The following PIWIL2 variants were observed in gnomAD, a reference collection of about 807,000 sequenced individuals.
PIWIL2 encodes the protein piwi like RNA-mediated gene silencing 2.
A neutral mutation model predicts 116.5 loss-of-function variants in PIWIL2; 81 were observed. That is an observed-to-expected ratio of 0.70 (90% CI 0.58 to 0.84). PIWIL2 has a LOEUF of 0.84. Ranked by LOEUF, PIWIL2 falls within the 40% of genes least tolerant of loss-of-function variation. The pLI is 0.00. For missense variants in PIWIL2, 1,272 were observed against 1,212.3 expected (o/e 1.05, Z -0.73); for synonymous variants, 489 against 429.5 (o/e 1.14, Z -1.71).
At chr8:22,327,311 C>T (rs1290713119) in intron 20 of PIWIL2, among the ~76,000 whole-genome samples, 2 of 148,802 alleles carry the variant, frequency 1.3e-5, no homozygotes, top group Non-Finnish European at 3.0e-5. Context: ...TGAGGCACCA[C>T]GCCTGGCCTT....
intron 10 of PIWIL2, among the ~76,000 whole-genome samples, chr8:22,295,050 G>C (rs989088855): frequency 3.9e-5 from 6 of 151,984 alleles, no homozygotes; most frequent in African/African-American, 1.2e-4. Context: ...GTGTACTCTA[G>C]CCTGGGCAAC....
At chr8:22,309,267 A>G (rs1305327069) in intron 14 of PIWIL2, among the ~76,000 whole-genome samples, 7 of 151,842 alleles carry the variant, frequency 4.6e-5, no homozygotes, top group Non-Finnish European at 1.0e-4. Flanking sequence ...GCCCCCTTGG[A>G]TATTAAGTCC....
At chr8:22,340,259 G>A (rs1832078342) in intron 20 of PIWIL2, among the ~76,000 whole-genome samples, 1 of 151,912 alleles carries the variant, frequency 6.6e-6, no homozygotes, top group Non-Finnish European at 1.5e-5. Context: ...GTTTCTCCGT[G>A]ATGGTCAGGC....
At chr8:22,351,086 G>T (rs899040953) in intron 20 of PIWIL2, among the ~76,000 whole-genome samples, 12 of 151,922 alleles carry the variant, frequency 7.9e-5, no homozygotes, top group African/African-American at 2.4e-4. Flanking sequence ...GGGTGGCAGA[G>T]ATTTCAGTAA....
chr8:22,297,748 C>G (rs1415443202), intron 10 of PIWIL2, among the ~76,000 whole-genome samples: 1 of 152,032 alleles, frequency 6.6e-6, no homozygotes, highest in Non-Finnish European at 1.5e-5. Context: ...CTGATAGGAA[C>G]CATTTGGAGT....
intron 20 of PIWIL2, among the ~76,000 whole-genome samples, chr8:22,340,403 T>G (rs983061465): frequency 3.9e-5 from 6 of 152,156 alleles, no homozygotes; most frequent in Admixed American, 2.6e-4. Context: ...AAATAAAGCT[T>G]CTCCAGATTT....
intron 20 of PIWIL2, among the ~76,000 whole-genome samples, chr8:22,320,995 C>T (rs1586576992): frequency 6.6e-6 from 1 of 152,278 alleles, no homozygotes; most frequent in African/African-American, 2.4e-5. Flanking sequence ...TGGTGATTTA[C>T]GTTGAATTTC....
At chr8:22,277,934 C>A (rs775202531) in intron 1 of PIWIL2, among the ~76,000 whole-genome samples, 1 of 150,298 alleles carries the variant, frequency 6.7e-6, no homozygotes, top group African/African-American at 2.4e-5. Flanking sequence ...TTTGGGAGGC[C>A]CAGGTGGGCT....
intron 1 of PIWIL2, 72 bp from the exon 2 acceptor site, chr8:22,279,268 TA>T (rs1369848811): frequency 1.3e-6 from 1 of 782,920 alleles, no homozygotes; most frequent in East Asian, 2.6e-5. Flanking sequence ...AATACTATTT[TA>T]ATGCTTTGTG....
chr8:22,310,070 T>C lies in PIWIL2; in HGVS notation c.1796T>C (p.Leu599Ser). The C allele has an allele frequency of 6.6e-7, 1 of 1,515,380 alleles. No individual in the cohort carries two copies. The highest frequency in any genetic ancestry group is 9.2e-7 in the Non-Finnish European group (1 of 1,090,486). The allele number at this position is 1,515,380 out of a possible 1,614,324, so 93.9% of individuals were successfully genotyped here. The change falls in exon 15 of 23, where the codon TTG becomes TCG. Residue 599 changes from leucine (L) to serine (S), a missense_variant. Physicochemically the swap from Leu to Ser is moderately radical, Grantham distance 145. Transcript: ENST00000356766. Reference sequence around the variant, plus strand: ...GAAGTAACCAGAGACCCTTCCATCTTGACTGTAAGTGATTTTTGAAGTGAT... The same window carrying C: ...GAAGTAACCAGAGACCCTTCCATCTCGACTGTAAGTGATTTTTGAAGTGAT... ...VKEVTRDPSI[L>S]TIPMHFWALF...
chr8:22,281,016 G>A (rs1403985107), intron 2 of PIWIL2, 104 bp from the exon 3 acceptor site: 1 of 668,456 alleles, frequency 1.5e-6, no homozygotes, highest in Non-Finnish European at 2.6e-6. Flanking sequence ...CTTATAACAT[G>A]TATAGAATTT....
intron 22 of PIWIL2, among the ~76,000 whole-genome samples, 182 bp downstream of exon 22, chr8:22,354,560 CTTAAAGAGCTTTAAAAAATAT>C (rs1281918728): frequency 6.6e-6 from 1 of 152,122 alleles, no homozygotes; most frequent in East Asian, 1.9e-4. Context: ...ATTACTTTTA[CTTAAAGAGCTTTAAAAAATAT>C]TGATGCCAGG....
intron 22 of PIWIL2, among the ~76,000 whole-genome samples, chr8:22,354,947 A>G (rs754759958): frequency 1.3e-5 from 2 of 152,072 alleles, no homozygotes; most frequent in Admixed American, 6.6e-5. Context: ...GCGCATGCCT[A>G]TAATCCCAGC....
chr8:22,284,995 A>G (rs1397998226), intron 6 of PIWIL2, among the ~76,000 whole-genome samples: 1 of 152,196 alleles, frequency 6.6e-6, no homozygotes, highest in Non-Finnish European at 1.5e-5. Flanking sequence ...TATGAGTACA[A>G]GATGATGTTT....
chr8:22,335,929 A>G (rs899402228), intron 20 of PIWIL2, among the ~76,000 whole-genome samples: 7 of 152,234 alleles, frequency 4.6e-5, no homozygotes, highest in Non-Finnish European at 8.8e-5. Context: ...ATAGCAAAAG[A>G]GTCAATCCAT....
rs1173590671 is a variant in PIWIL2, at chr8:22,281,420, C to A, written c.330C>A (p.Arg110=). Residue 110 remains arginine (R), a synonymous_variant, in exon 4 of 23, where the codon CGC becomes CGA. Coordinates refer to ENST00000356766, the MANE Select transcript of PIWIL2 (RefSeq NM_018068.5). ...GAGGCTTGTCTGCTAATCTGGTACG[C>A]AAGGACAGGGAGGAACTCTCTCCCA... ...LGRGLSANLV[R]KDREELSPTF... 6.2e-7 allele frequency: 1 copy of A among 1,607,222 alleles called. No individual in the cohort carries two copies. The highest frequency in any genetic ancestry group is 1.1e-5 in the South Asian group (1 of 89,616).
chr8:22,316,423 G>C, intron 19 of PIWIL2, 90 bp downstream of exon 19: 1 of 789,650 alleles, frequency 1.3e-6, no homozygotes, highest in South Asian at 1.5e-5. Flanking sequence ...TTAGCATTAT[G>C]TATTACAATA....
intron 10 of PIWIL2, among the ~76,000 whole-genome samples, chr8:22,293,460 C>A (rs1830812413): frequency 2.0e-5 from 3 of 152,114 alleles, no homozygotes; most frequent in African/African-American, 7.2e-5. Flanking sequence ...CTGCCTCAGG[C>A]CTTCTGAGTA....
At chr8:22,312,523 C>G (rs761967338) in intron 16 of PIWIL2, among the ~76,000 whole-genome samples, 28 of 152,108 alleles carry the variant, frequency 1.8e-4, no homozygotes, top group Non-Finnish European at 3.8e-4. Flanking sequence ...GCCTCAACCT[C>G]CCAAAGCAGT....
Sources: allele counts gnomAD v4.1 joint callset (sites outside exome capture counted in the v4.1 genomes callset), GRCh38; gene constraint gnomAD v4.1.1; transcripts MANE v1.5; gene names NCBI Gene and HGNC (gene_info 2026-07-23, HGNC 2026-07-21).